The following SLC25A48 variants were observed in gnomAD, a reference collection of about 807,000 sequenced individuals.
The protein encoded by SLC25A48 is solute carrier family 25 member 48.
In SLC25A48, 29 loss-of-function variants were observed where a neutral mutation model predicts 32.2. That is an observed-to-expected ratio of 0.90 (90% CI 0.67 to 1.23). The LOEUF (loss-of-function observed/expected upper bound fraction) is 1.23. Ranked by LOEUF, SLC25A48 falls within the 50% of genes most tolerant of loss-of-function variation. The pLI, the probability that SLC25A48 is intolerant of heterozygous loss-of-function variation, is 0.00. For missense variants in SLC25A48, 399 were observed against 422.7 expected (o/e 0.94, Z 0.49); for synonymous variants, 164 against 172.3 (o/e 0.95, Z 0.38).
chr5:135,625,385 A>G (rs1752420774), intron 1 of SLC25A48, among the ~76,000 whole-genome samples: 1 of 152,078 alleles, frequency 6.6e-6, no homozygotes. Flanking sequence ...GGCTAGCAAG[A>G]TGGGCAGTCC....
intron 7 of SLC25A48, among the ~76,000 whole-genome samples, chr5:135,884,680 G>A (rs1490696820): frequency 1.3e-5 from 2 of 152,114 alleles, no homozygotes; most frequent in African/African-American, 4.8e-5. Context: ...GTTCATCCCT[G>A]GGTAGACCTG....
rs1752662029 is a variant in SLC25A48 at position 135,634,766 on chromosome 5, TA to T, written c.-708-2del. 1 of 152,236 alleles carries T rather than the reference TA, an allele frequency of 6.6e-6. No individual in the cohort carries two copies. Among genetic ancestry groups the T allele is most frequent in the South Asian group, 2.1e-4 (1 of 4,830 alleles). 9.4% of individuals were successfully genotyped at this position (152,236 alleles called of 1,614,324 possible). On this transcript the variant is annotated splice_acceptor_variant, in intron 2 of 10. Coordinates refer to the SLC25A48 transcript ENST00000646290. LOFTEE classifies it low-confidence loss of function (5UTR_SPLICE). ...ATGGCTTCCTCATTTGTTTGCTCACTAGGCAAATACTTTTTAAGAATCTGCT... is the reference window on the plus strand; with the variant it reads ...ATGGCTTCCTCATTTGTTTGCTCACTGGCAAATACTTTTTAAGAATCTGCT...
At chr5:135,879,611 A>T (rs9686760) in intron 6 of SLC25A48, among the ~76,000 whole-genome samples, 49,352 of 118,568 alleles carry the variant, frequency 0.42, 9,475 homozygotes, top group Middle Eastern at 0.44. Flanking sequence ...AGAGAGAGAG[A>T]GTGTGTGTGT....
chr5:135,608,074 C>T (rs1441226185), intron 1 of SLC25A48, among the ~76,000 whole-genome samples: 3 of 152,154 alleles, frequency 2.0e-5, no homozygotes, highest in Non-Finnish European at 4.4e-5. Context: ...TTGAGTGAGT[C>T]TTTTGATAAA....
intron 3 of SLC25A48, among the ~76,000 whole-genome samples, chr5:135,728,176 A>C (rs113969711): frequency 0.061 from 9,206 of 151,678 alleles, 365 homozygotes; most frequent in Non-Finnish European, 0.092. Context: ...GAATAAGTGG[A>C]ACCCAGGAGG....
chr5:135,605,894 G>T (rs1465788494), intron 1 of SLC25A48, among the ~76,000 whole-genome samples: 1 of 152,186 alleles, frequency 6.6e-6, no homozygotes, highest in Non-Finnish European at 1.5e-5. Flanking sequence ...GAAGCTTGCT[G>T]GTTGAAGCCA....
chr5:135,626,688 T>C (rs1300085102), intron 1 of SLC25A48, among the ~76,000 whole-genome samples: 1 of 152,194 alleles, frequency 6.6e-6, no homozygotes, highest in Non-Finnish European at 1.5e-5. Flanking sequence ...AATGCCCCAA[T>C]CTATGCATCC....
intron 3 of SLC25A48, among the ~76,000 whole-genome samples, chr5:135,679,058 T>C (rs967054355): frequency 6.6e-6 from 1 of 151,996 alleles, no homozygotes; most frequent in African/African-American, 2.4e-5. Context: ...GTGGGCTGGG[T>C]AGGCAGGTGG....
chr5:135,813,964 T>C (rs923828428), intron 4 of SLC25A48, among the ~76,000 whole-genome samples: 4 of 151,846 alleles, frequency 2.6e-5, no homozygotes, highest in African/African-American at 9.7e-5. Context: ...GAAAAGCACA[T>C]AGGTGACACA....
At chr5:135,886,595 A>G (rs1157184466) in intron 7 of SLC25A48, among the ~76,000 whole-genome samples, 1 of 12,070 alleles carries the variant, frequency 8.3e-5, no homozygotes, top group African/African-American at 6.0e-4. Flanking sequence ...CCAAATATAT[A>G]TATATATATA....
In SLC25A48 at chr5:135,650,519, T is replaced by A. The variant is rs372321475; in HGVS notation, c.-521+15563T>A. On this transcript the variant is annotated intron_variant, in intron 3 of 10. Coordinates refer to the SLC25A48 transcript ENST00000646290. The stretch of plus-strand genomic sequence containing the variant: ...AGAAGGATGACTCCAGGACAAGGGA[T>A]GACCCTGAACAAAAAGTGCAGTCAC... 2.3e-4 allele frequency: 99 copies of A among 436,460 alleles called. 1 individual carries two copies. The highest frequency in any genetic ancestry group is 2.0e-3 in the Middle Eastern group (6 of 2,992). The allele number at this position is 436,460 out of a possible 1,614,324, so 27.0% of individuals were successfully genotyped here.
At chr5:135,619,109 C>T (rs1046215388) in intron 1 of SLC25A48, among the ~76,000 whole-genome samples, 2 of 152,026 alleles carry the variant, frequency 1.3e-5, no homozygotes, top group Non-Finnish European at 2.9e-5. Flanking sequence ...TTTCTTTTCA[C>T]CTTCTGGGAC....
At position 135,874,160 on chromosome 5, in the gene SLC25A48, C is replaced by T; in HGVS notation, c.813+6C>T. 6.9e-7 allele frequency: 1 copy of T among 1,445,392 alleles called. No homozygotes were observed. Among genetic ancestry groups the T allele is most frequent in the Non-Finnish European group, 9.0e-7 (1 of 1,107,718 alleles). 89.5% of individuals were successfully genotyped at this position (1,445,392 alleles called of 1,614,324 possible). On this transcript the variant is annotated splice_donor_region_variant and intron_variant, in intron 6 of 7. Transcript: ENST00000681962. ...ACCAGAAGGAAGGTCTTAAAGTAAGCCCACAGCAGGCCTGCGGGGTCAGTG... is the reference window on the plus strand; with the variant it reads ...ACCAGAAGGAAGGTCTTAAAGTAAGTCCACAGCAGGCCTGCGGGGTCAGTG...
At chr5:135,841,915 T>C (rs1327534150) in intron 1 of SLC25A48, among the ~76,000 whole-genome samples, 1 of 152,234 alleles carries the variant, frequency 6.6e-6, no homozygotes, top group Non-Finnish European at 1.5e-5. Flanking sequence ...TTATGATTTC[T>C]CAATCTTTTC....
At chr5:135,853,028 T>A (rs1477164055) in intron 4 of SLC25A48, among the ~76,000 whole-genome samples, 1 of 152,240 alleles carries the variant, frequency 6.6e-6, no homozygotes, top group Admixed American at 6.5e-5. Context: ...AAAAGTCACA[T>A]GAACTTTTTG....
intron 3 of SLC25A48, among the ~76,000 whole-genome samples, chr5:135,789,206 G>A (rs543244457): frequency 4.3e-5 from 6 of 138,466 alleles, no homozygotes; most frequent in African/African-American, 1.4e-4. Flanking sequence ...ACCCTCCCCC[G>A]CCACGATATG....
intron 2 of SLC25A48, among the ~76,000 whole-genome samples, chr5:135,843,168 A>G (rs1216348385): frequency 6.6e-6 from 1 of 152,210 alleles, no homozygotes; most frequent in African/African-American, 2.4e-5. Context: ...TTTAAGTAGT[A>G]AAGGGGGGCG....
chr5:135,676,175 A>G (rs1753764625), intron 3 of SLC25A48, among the ~76,000 whole-genome samples: 1 of 151,792 alleles, frequency 6.6e-6, no homozygotes, highest in Admixed American at 6.6e-5. Context: ...TGGTCTGTTC[A>G]GGTTTTCTAT....
intron 2 of SLC25A48, among the ~76,000 whole-genome samples, chr5:135,632,279 A>G (rs890094858): frequency 6.6e-6 from 1 of 152,220 alleles, no homozygotes; most frequent in African/African-American, 2.4e-5. Context: ...CTGTCTTAGA[A>G]GACTGACTCA....
Sources: gnomAD v4.1 joint callset for allele counts (sites outside exome capture counted in the v4.1 genomes callset) on GRCh38, gnomAD v4.1.1 for gene constraint, MANE v1.5 for transcripts, NCBI Gene and HGNC (gene_info 2026-07-23, HGNC 2026-07-21) for gene names.